CABIN1: variants seen among roughly 807,000 people sequenced by gnomAD.
The protein encoded by CABIN1 is calcineurin binding protein 1, also known as calcineurin-binding protein cabin-1.
A neutral mutation model predicts 227.7 loss-of-function variants in CABIN1; 133 were observed. That is an observed-to-expected ratio of 0.58 (90% CI 0.51 to 0.67). CABIN1 has a LOEUF of 0.67. CABIN1 is among the 30% of genes least tolerant of loss of function. The pLI is 0.00. For missense variants in CABIN1, 2,408 were observed against 2,852.5 expected (o/e 0.84, Z 3.55); for synonymous variants, 1,086 against 1,155.1 (o/e 0.94, Z 1.21).
intron 26 of CABIN1, among the ~76,000 whole-genome samples, chr22:24,101,518 G>A (rs536933969): frequency 2.0e-5 from 3 of 152,298 alleles, no homozygotes; most frequent in Admixed American, 1.3e-4. Flanking sequence ...AGCCCTTCAC[G>A]GAACAGCCAG....
chr22:24,087,510 A>G lies in CABIN1; in HGVS notation c.3322A>G (p.Asn1108Asp). 6.2e-7 allele frequency: 1 copy of G among 1,614,188 alleles called. No homozygotes were observed. The change falls in exon 23 of 37, where the codon AAC becomes GAC. Residue 1108 changes from asparagine (N) to aspartate (D), a missense_variant. Around this residue, in one of 3 missense-constraint regions of CABIN1, gnomAD observed 649 missense variants for 910.3 expected, o/e 0.71. Coordinates refer to ENST00000263119, the MANE Select transcript of CABIN1 (RefSeq NM_012295.4). ...ARASRIQDKL[N>D]SNELKSDGPI... ...GGCCAGCCGCATTCAGGACAAGCTG[A>G]ACTCCAATGAGCTGAAGAGTGATGG...
chr22:24,070,076 A>T (rs551925312), intron 16 of CABIN1, among the ~76,000 whole-genome samples: 1 of 152,198 alleles, frequency 6.6e-6, no homozygotes. Context: ...AAAAAAAAAA[A>T]AAAAGGAGCT....
intron 28 of CABIN1, 31 bp from the exon 29 acceptor site, chr22:24,134,271 C>T (rs1198017550): frequency 6.4e-7 from 1 of 1,573,940 alleles, no homozygotes; most frequent in African/African-American, 1.3e-5. Context: ...AGCCCACACA[C>T]TCACTTTCAA....
At chr22:24,145,171 C>G (rs2045031271) in intron 29 of CABIN1, among the ~76,000 whole-genome samples, 1 of 152,122 alleles carries the variant, frequency 6.6e-6, no homozygotes, top group Non-Finnish European at 1.5e-5. Flanking sequence ...ACCCTGTTTT[C>G]CTGGGCCAGG....
chr22:24,155,501 C>T (rs182539656), intron 29 of CABIN1, among the ~76,000 whole-genome samples: 1 of 152,320 alleles, frequency 6.6e-6, no homozygotes, highest in East Asian at 1.9e-4. Flanking sequence ...GAGGCCCCTT[C>T]CAGCTGTAAA....
intron 1 of CABIN1, among the ~76,000 whole-genome samples, chr22:24,024,548 T>C (rs988147851): frequency 9.2e-5 from 14 of 152,210 alleles, no homozygotes; most frequent in African/African-American, 3.4e-4. Flanking sequence ...TGGATATGTA[T>C]GTTAATGTCT....
At chr22:24,126,004 C>T (rs1047366772) in intron 28 of CABIN1, among the ~76,000 whole-genome samples, 2 of 152,202 alleles carry the variant, frequency 1.3e-5, no homozygotes, top group Non-Finnish European at 2.9e-5. Flanking sequence ...TAGGTTTGAG[C>T]ACTCTGCCAG....
intron 29 of CABIN1, among the ~76,000 whole-genome samples, chr22:24,139,793 C>G (rs2044643742): frequency 6.6e-6 from 1 of 152,160 alleles, no homozygotes; most frequent in Admixed American, 6.5e-5. Flanking sequence ...CTGGCCTGGC[C>G]CAGAGGAGAT....
chr22:24,035,090 G>A (rs150519661), intron 1 of CABIN1, among the ~76,000 whole-genome samples: 7 of 152,136 alleles, frequency 4.6e-5, no homozygotes, highest in Admixed American at 1.3e-4. Context: ...TTCCTTAATC[G>A]CTTTGAATTG....
At chr22:24,031,744 A>G (rs536665326) in intron 1 of CABIN1, among the ~76,000 whole-genome samples, 1 of 152,092 alleles carries the variant, frequency 6.6e-6, no homozygotes, top group African/African-American at 2.4e-5. Context: ...CACTTCTTCT[A>G]ATCTCCAGTG....
chr22:24,078,276 T>G (rs998899153), intron 19 of CABIN1, among the ~76,000 whole-genome samples: 4 of 152,150 alleles, frequency 2.6e-5, no homozygotes, highest in Non-Finnish European at 5.9e-5. Flanking sequence ...GCCTGAGCAA[T>G]ACCTGACAGA....
rs543869319 is a variant in CABIN1 at position 24,159,509 on chromosome 22, G to C, written c.4747-4891G>C. Among the ~76,000 whole-genome samples the C allele has an allele frequency of 1.6e-4, 24 of 152,298 alleles. No homozygotes were observed. The East Asian group carries it at 4.3e-3, about 27-fold the overall frequency. ...CCAGGTGCCCTGGGTCTCCCAGGTG[G>C]CTCCTGGCACCTCATGGCCTGTTCC... On this transcript the variant is annotated intron_variant, in intron 29 of 36. Coordinates refer to ENST00000263119, the MANE Select transcript of CABIN1 (RefSeq NM_012295.4).
rs1181399514 is a variant in CABIN1, at chr22:24,165,573, G to T, written c.4954G>T (p.Ala1652Ser). 1.9e-6 allele frequency: 3 copies of T among 1,613,240 alleles called. No individual in the cohort carries two copies. Among genetic ancestry groups the T allele is most frequent in the South Asian group, 1.1e-5 (1 of 91,066 alleles). ...DADRQVLAQRAFILTVKVLED... is the reference protein window; with the variant it reads ...DADRQVLAQRSFILTVKVLED... ...TGACCGCCAGGTCCTGGCGCAGCGG[G>T]CCTTCATCCTCACTGTGAAGGTGCT... Residue 1652 changes from alanine to serine, a missense_variant, in exon 31 of 37, where the codon GCC becomes TCC. By Grantham distance (99) the Ala-to-Ser change is moderately conservative. Around this residue, in one of 3 missense-constraint regions of CABIN1, gnomAD observed 714 missense variants for 773.8 expected, o/e 0.92. Coordinates refer to ENST00000263119, the MANE Select transcript of CABIN1 (RefSeq NM_012295.4).
chr22:24,095,379 G>T (rs558777861), intron 24 of CABIN1, among the ~76,000 whole-genome samples: 146 of 152,348 alleles, frequency 9.6e-4, no homozygotes, highest in African/African-American at 3.3e-3. Context: ...TGAGGAAATG[G>T]AGGAAAGCAC....
In CABIN1 at chr22:24,053,410, C is replaced by T. The variant is rs565633385; in HGVS notation, c.807-1463C>T. Among the ~76,000 whole-genome samples the T allele has an allele frequency of 2.3e-4, 35 of 152,018 alleles. No homozygotes were observed. In the South Asian group the frequency reaches 3.7e-3, roughly 16 times the overall value. On this transcript the variant is annotated intron_variant, in intron 8 of 36. Transcript: ENST00000263119. ...CTTTTTTTCTTGAGACAGGGTCTCACTCTGTTGCCCAGGCTGGAGTGCAGT... is the reference window on the plus strand; with the variant it reads ...CTTTTTTTCTTGAGACAGGGTCTCATTCTGTTGCCCAGGCTGGAGTGCAGT...
At chr22:24,144,818 C>T (rs950963420) in intron 29 of CABIN1, among the ~76,000 whole-genome samples, 3 of 152,234 alleles carry the variant, frequency 2.0e-5, no homozygotes, top group Admixed American at 6.5e-5. Context: ...AATGTGACTG[C>T]ACAGCCCAGC....
intron 28 of CABIN1, among the ~76,000 whole-genome samples, chr22:24,126,268 A>G (rs910280180): frequency 1.3e-5 from 2 of 152,166 alleles, no homozygotes; most frequent in African/African-American, 4.8e-5. Flanking sequence ...GCAGCTAGTG[A>G]TGAGTAGGAA....
At chr22:24,150,254 C>T (rs1162384891) in intron 29 of CABIN1, among the ~76,000 whole-genome samples, 1 of 152,228 alleles carries the variant, frequency 6.6e-6, no homozygotes, top group Non-Finnish European at 1.5e-5. Context: ...GTGTGAGTCT[C>T]AGGGCGCTGC....
intron 26 of CABIN1, among the ~76,000 whole-genome samples, chr22:24,102,053 C>T (rs1031046388): frequency 1.3e-5 from 2 of 152,196 alleles, no homozygotes; most frequent in Non-Finnish European, 2.9e-5. Context: ...CAGGTAGGCA[C>T]TCATCCAAAA....
Sources: allele counts gnomAD v4.1 joint callset (sites outside exome capture counted in the v4.1 genomes callset), GRCh38; gene constraint gnomAD v4.1.1; regional missense constraint gnomAD v4.1.1; transcripts MANE v1.5; gene names NCBI Gene and HGNC (gene_info 2026-07-23, HGNC 2026-07-21).